The following PTPRD variants were observed in gnomAD, a reference collection of about 807,000 sequenced individuals.
PTPRD encodes the protein protein tyrosine phosphatase receptor type D.
PTPRD carries 34 observed loss-of-function variants against 214.5 expected under a neutral mutation model. The observed-to-expected ratio is 0.16, with a 90% CI of 0.12 to 0.21. The LOEUF (loss-of-function observed/expected upper bound fraction) is 0.21. Among genes scored for constraint, PTPRD ranks in the 10% least tolerant of loss-of-function variants. The pLI, the probability that PTPRD is intolerant of heterozygous loss-of-function variation, is 1.00. For synonymous variants in PTPRD, 1,128 were observed against 845.7 expected, an observed-to-expected ratio of 1.33 and a Z score of -5.79; for missense variants, 2,545 against 2,398.7, an observed-to-expected ratio of 1.06 and a Z score of -1.27.
At chr9:9,530,429 T>C (rs961974065) in intron 8 of PTPRD, among the ~76,000 whole-genome samples, 1 of 152,022 alleles carries the variant, frequency 6.6e-6, no homozygotes, top group African/African-American at 2.4e-5. Context: ...CCTACCAAGA[T>C]TGAATCAGGA....
chr9:10,342,970 T>C (rs145389193), intron 2 of PTPRD, among the ~76,000 whole-genome samples: 215 of 152,280 alleles, frequency 1.4e-3, no homozygotes, highest in African/African-American at 5.0e-3. Context: ...ATACCTCTTG[T>C]TTGTTACACA....
chr9:10,289,109 C>T (rs535898272), intron 3 of PTPRD, among the ~76,000 whole-genome samples: 15 of 151,586 alleles, frequency 9.9e-5, no homozygotes, highest in Non-Finnish European at 2.2e-4. Flanking sequence ...AAAAGCCTTC[C>T]AGGATGGGAT....
chr9:10,241,643 T>A lies in PTPRD; in HGVS notation c.-545+99320A>T, dbSNP rs542162667. On this transcript the variant is annotated intron_variant, in intron 3 of 45. Coordinates refer to ENST00000381196, the MANE Select transcript of PTPRD (RefSeq NM_002839.4). ...ATAAAATTCTATTAAGTGCAACTAC[T>A]TTACAGTGAGAAAAAGTAGATCGGT... Among the ~76,000 whole-genome samples the A allele has an allele frequency of 2.0e-5, 3 of 152,110 alleles. No individual in the cohort carries two copies. The East Asian group carries it at 5.8e-4, about 29-fold the overall frequency.
rs185770238 is a variant in PTPRD, at chr9:8,952,645, G to C, written c.-104+66052C>G. ...AAGAAAACTAATTCAACAGGTTGTAGGTAACCAATCAAGCAGGGGGCAGAG... is the reference window on the plus strand; with the variant it reads ...AAGAAAACTAATTCAACAGGTTGTACGTAACCAATCAAGCAGGGGGCAGAG... On this transcript the variant is annotated intron_variant, in intron 11 of 45. Coordinates refer to ENST00000381196, the MANE Select transcript of PTPRD (RefSeq NM_002839.4). Among the ~76,000 whole-genome samples, 6 of 151,800 alleles carry C rather than the reference G, an allele frequency of 4.0e-5. No homozygotes were observed. The East Asian group carries it at 7.8e-4, about 20-fold the overall frequency.
intron 3 of PTPRD, among the ~76,000 whole-genome samples, chr9:10,066,745 C>A (rs1260586396): frequency 6.6e-6 from 1 of 151,930 alleles, no homozygotes; most frequent in Non-Finnish European, 1.5e-5. Flanking sequence ...GACACTTTCA[C>A]TAAACAAAAG....
chr9:10,011,001 A>G (rs2096587767), intron 4 of PTPRD, among the ~76,000 whole-genome samples: 1 of 152,022 alleles, frequency 6.6e-6, no homozygotes, highest in Non-Finnish European at 1.5e-5. Context: ...TCTGGTTAGG[A>G]CATGGATATA....
intron 3 of PTPRD, among the ~76,000 whole-genome samples, chr9:10,109,800 C>T (rs1481547362): frequency 6.6e-6 from 1 of 151,972 alleles, no homozygotes; most frequent in African/African-American, 2.4e-5. Flanking sequence ...AAAATAGGAG[C>T]TAGAAAATGA....
At chr9:10,047,866 T>C (rs577827643) in intron 3 of PTPRD, among the ~76,000 whole-genome samples, 4 of 152,176 alleles carry the variant, frequency 2.6e-5, no homozygotes, top group Admixed American at 1.3e-4. Context: ...AATGGGCTAA[T>C]AGAGGTAAAA....
intron 7 of PTPRD, among the ~76,000 whole-genome samples, chr9:9,664,276 G>T (rs535840512): frequency 6.6e-6 from 1 of 151,376 alleles, no homozygotes; most frequent in African/African-American, 2.4e-5. Flanking sequence ...CTTAATAACT[G>T]CTATTAGTGA....
At chr9:10,202,765 A>G (rs294814) in intron 3 of PTPRD, among the ~76,000 whole-genome samples, 54,293 of 148,086 alleles carry the variant, frequency 0.37, 11,259 homozygotes, top group African/African-American at 0.56. Flanking sequence ...ATCTTTCACA[A>G]GTGGCCTAAC....
intron 11 of PTPRD, among the ~76,000 whole-genome samples, chr9:8,915,489 G>A (rs1587955898): frequency 6.6e-6 from 1 of 152,282 alleles, no homozygotes; most frequent in South Asian, 2.1e-4. Context: ...ATATGTGTGT[G>A]TGTGTGCACA....
chr9:9,475,739 T>C (rs1284626695), intron 8 of PTPRD, among the ~76,000 whole-genome samples: 2 of 152,212 alleles, frequency 1.3e-5, no homozygotes, highest in East Asian at 1.9e-4. Context: ...TGCATGTTTA[T>C]TGAAAATGCC....
chr9:10,568,179 A>C (rs2066264212), intron 2 of PTPRD, among the ~76,000 whole-genome samples: 3 of 132,374 alleles, frequency 2.3e-5, no homozygotes, highest in Non-Finnish European at 4.6e-5. Flanking sequence ...ATGTGTTCTC[A>C]TTGTTCAATT....
chr9:10,060,936 CTT>C (rs2097766674), intron 3 of PTPRD, among the ~76,000 whole-genome samples: 1 of 119,822 alleles, frequency 8.3e-6, no homozygotes, highest in Non-Finnish European at 1.6e-5. Flanking sequence ...TTCTTTCTTT[CTT>C]TCTTTCTTTC....
chr9:8,530,220 T>C (rs1433726663), intron 14 of PTPRD, among the ~76,000 whole-genome samples: 2 of 152,118 alleles, frequency 1.3e-5, no homozygotes, highest in Middle Eastern at 3.4e-3. Context: ...ACTCTCTCCC[T>C]CTAGAGCCGA....
intron 3 of PTPRD, among the ~76,000 whole-genome samples, chr9:10,099,554 G>T (rs1314261405): frequency 1.3e-5 from 2 of 151,638 alleles, no homozygotes; most frequent in South Asian, 2.1e-4. Flanking sequence ...AATTATTTGA[G>T]GTTTCTGACC....
At chr9:8,342,452 GCTTCCT>G (rs1853361142) in intron 39 of PTPRD, among the ~76,000 whole-genome samples, 2 of 152,184 alleles carry the variant, frequency 1.3e-5, no homozygotes, top group Middle Eastern at 3.4e-3. Context: ...AACCTCGCAT[GCTTCCT>G]ATTTATCAAA....
chr9:8,433,476 T>C (rs747303814), intron 35 of PTPRD, among the ~76,000 whole-genome samples: 4 of 152,216 alleles, frequency 2.6e-5, no homozygotes, highest in African/African-American at 7.2e-5. Flanking sequence ...ATTATCATCA[T>C]AGGAGATGAC....
intron 7 of PTPRD, among the ~76,000 whole-genome samples, chr9:9,585,108 G>T (rs927872406): frequency 6.6e-6 from 1 of 151,764 alleles, no homozygotes; most frequent in Admixed American, 6.6e-5. Context: ...TATCATTTTT[G>T]TTTCATTATG....
Sources: allele counts gnomAD v4.1 joint callset (sites outside exome capture counted in the v4.1 genomes callset), GRCh38; gene constraint gnomAD v4.1.1; transcripts MANE v1.5; gene names NCBI Gene and HGNC (gene_info 2026-07-23, HGNC 2026-07-21).